EPB41: variants seen among roughly 807,000 people sequenced by gnomAD.
EPB41 encodes the protein erythrocyte membrane protein band 4.1, also known as protein 4.1.
A neutral mutation model predicts 108.0 loss-of-function variants in EPB41; 65 were observed. The ratio of observed to expected loss-of-function variants is 0.60; its 90% CI spans 0.49 to 0.74. The LOEUF (loss-of-function observed/expected upper bound fraction) is 0.74. Among genes scored for constraint, EPB41 ranks in the 30% least tolerant of loss-of-function variants. EPB41 has a pLI of 0.00. For synonymous variants in EPB41, 336 were observed against 358.9 expected (o/e 0.94, Z 0.72); for missense variants, 875 against 1,037.0 (o/e 0.84, Z 2.15).
chr1:28,972,112 A>G (rs1007491638), intron 1 of EPB41, among the ~76,000 whole-genome samples: 2 of 152,080 alleles, frequency 1.3e-5, no homozygotes, highest in African/African-American at 2.4e-5. Flanking sequence ...TTGTAGAGAT[A>G]AGGTTTCACC....
At chr1:29,027,729 C>G (rs1376481906) in intron 7 of EPB41, among the ~76,000 whole-genome samples, 1 of 152,282 alleles carries the variant, frequency 6.6e-6, no homozygotes, top group African/African-American at 2.4e-5. Flanking sequence ...TGCCACTGAG[C>G]CTGGCTAAAA....
At chr1:29,077,964 C>T (rs1047033497) in intron 16 of EPB41, among the ~76,000 whole-genome samples, 35 of 152,160 alleles carry the variant, frequency 2.3e-4, no homozygotes, top group African/African-American at 7.7e-4. Flanking sequence ...CAGTGGTTCA[C>T]GCCTGTAATC....
At chr1:29,070,542 C>T in intron 16 of EPB41, 7 of 1,232,106 alleles carry the variant, frequency 5.7e-6, no homozygotes, top group Non-Finnish European at 7.1e-6. Flanking sequence ...ACTTTTCCAT[C>T]TCCTCGTATT....
Position 28,895,939 on chromosome 1 carries a change from A to T in EPB41, c.-8+8729A>T, listed in dbSNP as rs535152408. ...CGGATAAATAAATTCATGCACACACACTGCACCCCCACCCAGGCCTGCTGC... is the reference window on the plus strand; with the variant it reads ...CGGATAAATAAATTCATGCACACACTCTGCACCCCCACCCAGGCCTGCTGC... On this transcript the variant is annotated intron_variant, in intron 1 of 16. Coordinates refer to the EPB41 transcript ENST00000347529. 2.0e-5 allele frequency among the ~76,000 whole-genome samples: 3 copies of T among 152,308 alleles called. No individual in the cohort carries two copies. The South Asian group carries it at 6.2e-4, about 32-fold the overall frequency.
intron 7 of EPB41, among the ~76,000 whole-genome samples, chr1:29,019,697 C>G (rs1449359411): frequency 6.6e-6 from 1 of 152,142 alleles, no homozygotes; most frequent in Non-Finnish European, 1.5e-5. Flanking sequence ...TCTTTCCAGC[C>G]ATTGAGCCAT....
chr1:29,023,302 T>C (rs755688560), intron 7 of EPB41, among the ~76,000 whole-genome samples: 1 of 151,922 alleles, frequency 6.6e-6, no homozygotes, highest in Non-Finnish European at 1.5e-5. Context: ...GCTGGATTAC[T>C]GTTACTTTTT....
intron 1 of EPB41, among the ~76,000 whole-genome samples, chr1:28,986,194 CTTTA>C (rs1195509684): frequency 1.3e-5 from 2 of 152,002 alleles, no homozygotes; most frequent in African/African-American, 4.8e-5. Context: ...TTTTTAATTA[CTTTA>C]TTTAATACAG....
At chr1:29,019,203 C>T (rs2150073787) in intron 7 of EPB41, among the ~76,000 whole-genome samples, 1 of 152,164 alleles carries the variant, frequency 6.6e-6, no homozygotes, top group East Asian at 1.9e-4. Flanking sequence ...ATAACTTGAA[C>T]CCGAGTGTTT....
Position 29,015,682 on chromosome 1 carries a change from A to T in EPB41, c.830-10A>T, listed in dbSNP as rs1244476040. 6.3e-7 allele frequency: 1 copy of T among 1,582,168 alleles called. No individual in the cohort carries two copies. Among genetic ancestry groups the T allele is most frequent in the African/African-American group, 1.3e-5 (1 of 74,228 alleles). The stretch of plus-strand genomic sequence containing the variant: ...ATAAACGTAAAATTCTTTTGTGTTT[A>T]TTTTTATAGGTGTCCCTTGGAATTT... On this transcript the variant is annotated splice_polypyrimidine_tract_variant and intron_variant, in intron 5 of 20. Transcript: ENST00000343067.
At position 28,987,988 on chromosome 1, in the gene EPB41, C is replaced by T. The variant is rs552286683; in HGVS notation, c.468+83C>T. 7.8e-5 allele frequency: 112 copies of T among 1,437,906 alleles called. No individual in the cohort carries two copies. In the East Asian group the frequency reaches 2.4e-3, roughly 31 times the overall value. 89.1% of individuals were successfully genotyped at this position (1,437,906 alleles called of 1,614,324 possible). On this transcript the variant is annotated intron_variant, in intron 2 of 20. Coordinates refer to ENST00000343067, the MANE Select transcript of EPB41 (RefSeq NM_001376013.1). ...TTCATTTAAGAGTATTTGGGCTGGG[C>T]GCGGTGGCTCATGCCTGTAATTCCA... is the stretch of plus-strand genomic sequence containing the variant.
chr1:28,949,432 C>T (rs2094614757), intron 1 of EPB41, among the ~76,000 whole-genome samples: 1 of 151,496 alleles, frequency 6.6e-6, no homozygotes, highest in South Asian at 2.1e-4. Context: ...AGAGTGAGAC[C>T]CTGTCTCAAA....
chr1:28,915,692 G>A (rs1229890285), intron 1 of EPB41, among the ~76,000 whole-genome samples: 2 of 148,008 alleles, frequency 1.4e-5, no homozygotes, highest in Non-Finnish European at 3.0e-5. Context: ...TTGTTCATTA[G>A]GAGATAGTTT....
chr1:29,111,153 C>G (rs1669016290), intron 18 of EPB41, among the ~76,000 whole-genome samples: 1 of 145,756 alleles, frequency 6.9e-6, no homozygotes, highest in Admixed American at 7.0e-5. Flanking sequence ...AGCAACAGAG[C>G]AAGACTCCAT....
At chr1:29,009,499 A>G (rs1290674010) in intron 4 of EPB41, among the ~76,000 whole-genome samples, 1 of 152,196 alleles carries the variant, frequency 6.6e-6, no homozygotes, top group Admixed American at 6.5e-5. Flanking sequence ...CAGCTTACCT[A>G]GGGAGATTCT....
intron 14 of EPB41, 64 bp downstream of exon 14, chr1:29,058,916 T>G (rs373148382): frequency 7.5e-7 from 1 of 1,328,612 alleles, no homozygotes; most frequent in Non-Finnish European, 1.1e-6. Context: ...TTACAGTGCA[T>G]TAAAAAGACA....
At chr1:28,919,505 C>T (rs535563267) in intron 1 of EPB41, among the ~76,000 whole-genome samples, 11 of 152,044 alleles carry the variant, frequency 7.2e-5, no homozygotes, top group African/African-American at 2.7e-4. Flanking sequence ...GCTCTGTTGC[C>T]TAGGCTGGAA....
At chr1:28,916,713 A>C (rs906596120) in intron 1 of EPB41, among the ~76,000 whole-genome samples, 2 of 152,098 alleles carry the variant, frequency 1.3e-5, no homozygotes, top group African/African-American at 4.8e-5. Flanking sequence ...CAACAAAACT[A>C]TACATTTTTC....
Position 29,062,652 on chromosome 1 carries a change from GT to G in EPB41, c.2007+2181del, listed in dbSNP as rs1341542952. Reference sequence around the variant, plus strand: ...CTCAAGTTATCTGTCACTCCAGCAGGTTTTTTTTTTTTTAAGCATCCCTCCT... The same window carrying G: ...CTCAAGTTATCTGTCACTCCAGCAGGTTTTTTTTTTTTAAGCATCCCTCCT... On this transcript the variant is annotated intron_variant, in intron 15 of 20. Transcript: ENST00000343067. 9.0e-4 allele frequency among the ~76,000 whole-genome samples: 130 copies of G among 144,180 alleles called. 1 individual carries two copies. The highest frequency in any genetic ancestry group is 2.4e-3 in the Admixed American group (35 of 14,322). 94.6% of individuals were successfully genotyped at this position (144,180 alleles called of 152,430 possible).
intron 17 of EPB41, among the ~76,000 whole-genome samples, chr1:29,102,212 G>A (rs1665660238): frequency 6.6e-6 from 1 of 152,184 alleles, no homozygotes; most frequent in Non-Finnish European, 1.5e-5. Flanking sequence ...TGGAGAGCTG[G>A]TTAAATACAT....
Sources: gnomAD v4.1 joint callset for allele counts (sites outside exome capture counted in the v4.1 genomes callset) on GRCh38, gnomAD v4.1.1 for gene constraint, MANE v1.5 for transcripts, NCBI Gene and HGNC (gene_info 2026-07-23, HGNC 2026-07-21) for gene names.